CAMK4: variants seen among roughly 807,000 people sequenced by gnomAD.
CAMK4 encodes the protein calcium/calmodulin dependent protein kinase IV.
CAMK4 carries 22 observed loss-of-function variants against 44.9 expected under a neutral mutation model. The observed-to-expected ratio is 0.49, with a 90% confidence interval of 0.35 to 0.70. The LOEUF (loss-of-function observed/expected upper bound fraction) is 0.70, where lower values mean the gene tolerates loss of function less well. CAMK4 is among the 30% of genes least tolerant of loss of function. The pLI is 0.01. For missense variants in CAMK4, 498 were observed against 586.8 expected (o/e 0.85, Z 1.56); for synonymous variants, 218 against 215.4 (o/e 1.01, Z -0.11).
chr5:111,294,934 G>A (rs545252980), intron 1 of CAMK4, among the ~76,000 whole-genome samples: 29 of 152,266 alleles, frequency 1.9e-4, no homozygotes, highest in African/African-American at 4.8e-4. Context: ...TTAATCCAAA[G>A]TGATAAAAAG....
intron 1 of CAMK4, among the ~76,000 whole-genome samples, chr5:111,249,885 G>T (rs1364706308): frequency 6.6e-6 from 1 of 151,936 alleles, no homozygotes; most frequent in Non-Finnish European, 1.5e-5. Flanking sequence ...TTGCATACAG[G>T]AGGAGCAGCT....
At chr5:111,273,976 A>G (rs953167780) in intron 1 of CAMK4, among the ~76,000 whole-genome samples, 1 of 151,894 alleles carries the variant, frequency 6.6e-6, no homozygotes, top group Non-Finnish European at 1.5e-5. Context: ...TAGACTTAGA[A>G]TAAAATCCCA....
At chr5:111,299,198 G>A (rs546969587) in intron 1 of CAMK4, among the ~76,000 whole-genome samples, 84 of 152,360 alleles carry the variant, frequency 5.5e-4, no homozygotes, top group African/African-American at 2.0e-3. Flanking sequence ...GACTTAGCAG[G>A]TTTGTAGTGC....
At chr5:111,264,463 G>A (rs1750139691) in intron 1 of CAMK4, among the ~76,000 whole-genome samples, 2 of 152,154 alleles carry the variant, frequency 1.3e-5, no homozygotes, top group South Asian at 4.1e-4. Context: ...TGCATGAAGG[G>A]TATGTTGGTT....
intron 1 of CAMK4, among the ~76,000 whole-genome samples, chr5:111,336,645 T>C (rs933738541): frequency 1.3e-5 from 2 of 151,192 alleles, no homozygotes; most frequent in African/African-American, 2.4e-5. Context: ...AAGACAATGA[T>C]TTATATATGG....
intron 4 of CAMK4, among the ~76,000 whole-genome samples, chr5:111,386,097 A>T (rs1751591362): frequency 6.6e-6 from 1 of 152,154 alleles, no homozygotes; most frequent in South Asian, 2.1e-4. Context: ...TTTTTTGAAA[A>T]GTATATGAAC....
intron 1 of CAMK4, among the ~76,000 whole-genome samples, chr5:111,269,402 G>C (rs1750403374): frequency 6.6e-6 from 1 of 152,128 alleles, no homozygotes; most frequent in Admixed American, 6.5e-5. Context: ...GTGACATCTG[G>C]TTGTGTGGGG....
Position 111,241,096 on chromosome 5 carries a change from A to G in CAMK4, c.161+16452A>G, listed in dbSNP as rs185554988. On this transcript the variant is annotated intron_variant, in intron 1 of 10. Coordinates refer to ENST00000282356, the MANE Select transcript of CAMK4 (RefSeq NM_001744.6). ...GTGTAAAAGCTATGCACACACTGCA[A>G]ATTTTTATTTGAATAATAATAATTA... 7.2e-5 allele frequency among the ~76,000 whole-genome samples: 11 copies of G among 152,244 alleles called. No individual in the cohort carries two copies. The East Asian group carries it at 1.2e-3, about 16-fold the overall frequency.
chr5:111,460,566 G>C (rs1421080543), intron 7 of CAMK4, among the ~76,000 whole-genome samples: 1 of 152,048 alleles, frequency 6.6e-6, no homozygotes, highest in African/African-American at 2.4e-5. Context: ...TAAATTCTAA[G>C]TCCATTACTT....
chr5:111,330,888 A>G (rs980992471), intron 1 of CAMK4, among the ~76,000 whole-genome samples: 2 of 151,754 alleles, frequency 1.3e-5, no homozygotes, highest in Admixed American at 6.6e-5. Context: ...AATCTTTTCA[A>G]TTAAAGGTGC....
At chr5:111,344,230 C>T (rs1192762219) in intron 2 of CAMK4, 128 bp downstream of exon 2, 11 of 539,708 alleles carry the variant, frequency 2.0e-5, no homozygotes, top group African/African-American at 3.9e-5. Flanking sequence ...CTCTTGATTA[C>T]GGGAGTGCAA....
At chr5:111,258,824 T>C (rs1427014157) in intron 1 of CAMK4, among the ~76,000 whole-genome samples, 1 of 151,870 alleles carries the variant, frequency 6.6e-6, no homozygotes, top group East Asian at 1.9e-4. Context: ...TGAACTTGTT[T>C]ACTTTCTGTT....
At chr5:111,263,902 T>C (rs1312910216) in intron 1 of CAMK4, among the ~76,000 whole-genome samples, 1 of 152,190 alleles carries the variant, frequency 6.6e-6, no homozygotes, top group Admixed American at 6.5e-5. Flanking sequence ...TTTCATAGTA[T>C]GTGGTTTTGC....
chr5:111,238,133 T>C (rs911768954), intron 1 of CAMK4, among the ~76,000 whole-genome samples: 9 of 152,164 alleles, frequency 5.9e-5, no homozygotes, highest in African/African-American at 2.2e-4. Context: ...TTACCAGCTT[T>C]ACTTCTTGTT....
rs188386852 is a variant in CAMK4 at position 111,323,571 on chromosome 5, A to G, written c.162-20453A>G. 1.9e-3 allele frequency among the ~76,000 whole-genome samples: 296 copies of G among 152,202 alleles called. 1 individual carries two copies. The highest frequency in any genetic ancestry group is 6.7e-3 in the African/African-American group (277 of 41,558). ...GACTAATGTCCCATTTGAAAAAAAAATGAAGACCAGAAGACAATGGAACAA... is the reference window on the plus strand; with the variant it reads ...GACTAATGTCCCATTTGAAAAAAAAGTGAAGACCAGAAGACAATGGAACAA... On this transcript the variant is annotated intron_variant, in intron 1 of 10. Transcript: ENST00000282356.
chr5:111,492,682 C>A lies in CAMK4; in HGVS notation c.*8216C>A, dbSNP rs1755893979. The A allele has an allele frequency of 6.6e-6, 1 of 152,282 alleles. No individual in the cohort carries two copies. The highest frequency in any genetic ancestry group is 1.9e-4 in the East Asian group (1 of 5,174). The allele number at this position is 152,282 out of a possible 1,614,324, so 9.4% of individuals were successfully genotyped here. On this transcript the variant is annotated 3_prime_UTR_variant, in exon 11 of 11. Coordinates refer to ENST00000282356, the MANE Select transcript of CAMK4 (RefSeq NM_001744.6). Reference sequence around the variant, plus strand: ...TAATTTTGAAGCTTCCCAGGAGCAGCCCCCTCCAGGAACAATTTTCCCTGT... The same window carrying A: ...TAATTTTGAAGCTTCCCAGGAGCAGACCCCTCCAGGAACAATTTTCCCTGT...
intron 1 of CAMK4, among the ~76,000 whole-genome samples, chr5:111,284,541 G>T (rs1022285393): frequency 6.6e-6 from 1 of 150,924 alleles, no homozygotes; most frequent in African/African-American, 2.5e-5. Context: ...GGCTCTGGGC[G>T]GATCACCAGC....
intron 1 of CAMK4, among the ~76,000 whole-genome samples, chr5:111,313,477 A>G (rs767425009): frequency 7.4e-4 from 112 of 152,268 alleles, no homozygotes; most frequent in South Asian, 1.7e-3. Context: ...ATCAGGGTCT[A>G]GGTGGCAATG....
chr5:111,440,260 A>G (rs1753779001), intron 5 of CAMK4, among the ~76,000 whole-genome samples: 1 of 152,224 alleles, frequency 6.6e-6, no homozygotes, highest in Non-Finnish European at 1.5e-5. Flanking sequence ...ATGAGATCCA[A>G]GCAGCACTAA....
Sources: gnomAD v4.1 joint callset for allele counts (sites outside exome capture counted in the v4.1 genomes callset) on GRCh38, gnomAD v4.1.1 for gene constraint, MANE v1.5 for transcripts, NCBI Gene and HGNC (gene_info 2026-07-23, HGNC 2026-07-21) for gene names.